The following TBX15 variants were observed in gnomAD, a reference collection of about 807,000 sequenced individuals.
TBX15 encodes the protein T-box transcription factor 15.
A neutral mutation model predicts 53.9 loss-of-function variants in TBX15; 18 were observed. The ratio of observed to expected loss-of-function variants is 0.33; its 90% CI spans 0.23 to 0.49. The LOEUF (loss-of-function observed/expected upper bound fraction) is 0.49, where lower values mean the gene tolerates loss of function less well. Among genes scored for constraint, TBX15 ranks in the 20% least tolerant of loss-of-function variants. The pLI is 0.98. For missense variants in TBX15, 692 were observed against 749.5 expected, an observed-to-expected ratio of 0.92 and a Z score of 0.90; for synonymous variants, 295 against 278.0, an observed-to-expected ratio of 1.06 and a Z score of -0.61.
intron 1 of TBX15, among the ~76,000 whole-genome samples, chr1:118,974,556 G>T (rs1288650005): frequency 1.3e-5 from 2 of 152,302 alleles, no homozygotes; most frequent in Non-Finnish European, 2.9e-5. Flanking sequence ...GAAAGACAGT[G>T]AACAGGTGTG....
chr1:118,911,987 C>A (rs1655042601), intron 6 of TBX15, among the ~76,000 whole-genome samples: 1 of 152,178 alleles, frequency 6.6e-6, no homozygotes, highest in African/African-American at 2.4e-5. Context: ...TTCTTGATGC[C>A]TTTGCAGTGC....
chr1:118,952,119 C>T (rs903205236), intron 1 of TBX15, among the ~76,000 whole-genome samples: 6 of 152,166 alleles, frequency 3.9e-5, no homozygotes, highest in African/African-American at 1.2e-4. Context: ...AGGATGAAGG[C>T]CTGTGATAAT....
At chr1:118,926,030 T>A (rs1655585165) in intron 3 of TBX15, among the ~76,000 whole-genome samples, 2 of 152,136 alleles carry the variant, frequency 1.3e-5, no homozygotes, top group African/African-American at 4.8e-5. Flanking sequence ...TATCAATGAA[T>A]AATAATTCTC....
intron 1 of TBX15, among the ~76,000 whole-genome samples, chr1:118,955,639 CAA>C (rs1299441085): frequency 2.6e-5 from 4 of 152,058 alleles, no homozygotes; most frequent in Non-Finnish European, 5.9e-5. Flanking sequence ...AGTCATTTTA[CAA>C]AGAGTAAGAA....
intron 1 of TBX15, among the ~76,000 whole-genome samples, chr1:118,970,441 A>G (rs894818188): frequency 2.6e-5 from 4 of 152,178 alleles, no homozygotes; most frequent in African/African-American, 9.7e-5. Context: ...AAACCAATGG[A>G]TTGTTAACAA....
chr1:118,928,353 CT>C (rs1424097741), intron 2 of TBX15, among the ~76,000 whole-genome samples: 1 of 152,174 alleles, frequency 6.6e-6, no homozygotes, highest in East Asian at 1.9e-4. Context: ...ATTTCTCCCC[CT>C]ACCTCACAAT....
rs937826872 is a variant in TBX15 at position 118,919,743 on chromosome 1, G to T, written c.861+3693C>A. ...CTTAGAATTACAGAAATGTGCTTCA[G>T]AATTTTTTAGGTCAATTCTAATCCC... On this transcript the variant is annotated intron_variant, in intron 5 of 7. Transcript: ENST00000369429. Among the ~76,000 whole-genome samples, 5 of 152,230 alleles carry T rather than the reference G, an allele frequency of 3.3e-5. No homozygotes were observed. In the South Asian group the frequency reaches 6.2e-4, roughly 19 times the overall value.
At chr1:118,901,515 A>G in intron 6 of TBX15, 1 of 433,288 alleles carries the variant, frequency 2.3e-6, no homozygotes, top group Non-Finnish European at 4.6e-6. Flanking sequence ...GACTGTGACA[A>G]AAGTGTTAAT....
intron 1 of TBX15, among the ~76,000 whole-genome samples, chr1:118,985,363 G>A (rs901732008): frequency 6.6e-6 from 1 of 152,158 alleles, no homozygotes; most frequent in Admixed American, 6.5e-5. Flanking sequence ...TACAGAAAAA[G>A]AAAGGCCTAA....
intron 2 of TBX15, 151 bp downstream of exon 2, chr1:118,931,468 A>C (rs1655776976): frequency 1.2e-6 from 1 of 820,750 alleles, no homozygotes; most frequent in African/African-American, 1.7e-5. Flanking sequence ...ACAACAGAAC[A>C]ACTTTACCAA....
chr1:118,966,811 G>A (rs554824012), intron 1 of TBX15, among the ~76,000 whole-genome samples: 1 of 152,306 alleles, frequency 6.6e-6, no homozygotes, highest in South Asian at 2.1e-4. Flanking sequence ...ATGATTTTCT[G>A]TCCTGGGACA....
At chr1:118,927,223 T>G (rs1313727332) in intron 2 of TBX15, among the ~76,000 whole-genome samples, 3 of 152,204 alleles carry the variant, frequency 2.0e-5, no homozygotes, top group African/African-American at 7.2e-5. Flanking sequence ...AACCCTGCTT[T>G]GTATTTTTAG....
At chr1:118,912,492 C>G (rs1488372635) in intron 6 of TBX15, among the ~76,000 whole-genome samples, 2 of 152,122 alleles carry the variant, frequency 1.3e-5, no homozygotes, top group African/African-American at 2.4e-5. Context: ...CAGAAATAGC[C>G]TGTCATGAAA....
intron 5 of TBX15, among the ~76,000 whole-genome samples, chr1:118,916,267 C>T (rs747774813): frequency 6.6e-6 from 1 of 152,090 alleles, no homozygotes; most frequent in Non-Finnish European, 1.5e-5. Context: ...AAAGCTTAGA[C>T]GAAGTAGGAA....
intron 1 of TBX15, among the ~76,000 whole-genome samples, chr1:118,961,782 C>G (rs1047959221): frequency 6.6e-6 from 1 of 152,184 alleles, no homozygotes; most frequent in Non-Finnish European, 1.5e-5. Flanking sequence ...ACCTGGGGGA[C>G]TCTCTGGTGA....
chr1:118,924,919 A>C (rs1420670157), intron 3 of TBX15, 102 bp from the exon 4 acceptor site: 1 of 1,271,632 alleles, frequency 7.9e-7, no homozygotes, highest in African/African-American at 1.5e-5. Context: ...AAAAACAAAG[A>C]GATTACATGA....
chr1:118,890,623 C>G (rs1415964110), intron 7 of TBX15, among the ~76,000 whole-genome samples: 1 of 152,106 alleles, frequency 6.6e-6, no homozygotes, highest in Non-Finnish European at 1.5e-5. Flanking sequence ...AGGACAATAA[C>G]CTAGAATATA....
intron 1 of TBX15, among the ~76,000 whole-genome samples, chr1:118,932,742 C>A (rs749938949): frequency 3.9e-4 from 59 of 152,016 alleles, no homozygotes; most frequent in Non-Finnish European, 7.6e-4. Context: ...AAGGCTAGAG[C>A]CAGATTTACC....
At chr1:118,925,094 T>C (rs1312517188) in intron 3 of TBX15, among the ~76,000 whole-genome samples, 2 of 152,102 alleles carry the variant, frequency 1.3e-5, no homozygotes, top group African/African-American at 4.8e-5. Flanking sequence ...AGGAAAACAT[T>C]CTCACAGCCG....
Sources: allele counts gnomAD v4.1 joint callset (sites outside exome capture counted in the v4.1 genomes callset), GRCh38; gene constraint gnomAD v4.1.1; transcripts MANE v1.5; gene names NCBI Gene and HGNC (gene_info 2026-07-23, HGNC 2026-07-21).